SRPK1: variants seen among roughly 807,000 people sequenced by gnomAD.
SRPK1 encodes SRSF protein kinase 1.
SRPK1 carries 52 observed loss-of-function variants against 89.5 expected under a neutral mutation model. That is an observed-to-expected ratio of 0.58 (90% confidence interval 0.46 to 0.73). The LOEUF is 0.73. Ranked by LOEUF, SRPK1 falls within the 30% of genes least tolerant of loss-of-function variation. The pLI is 0.00. For synonymous variants in SRPK1, 255 were observed against 270.2 expected (o/e 0.94, Z 0.55); for missense variants, 603 against 780.6 (o/e 0.77, Z 2.71).
intron 6 of SRPK1, among the ~76,000 whole-genome samples, chr6:35,880,746 A>AAAAAAAAAAAGAAAGAAAG (rs1770263877): frequency 7.8e-5 from 7 of 89,224 alleles, no homozygotes; most frequent in African/African-American, 9.1e-5. Context: ...AAAAAAAAAA[A>AAAAAAAAAAAGAAAGAAAG]AAAAGAAAAG....
intron 1 of SRPK1, 55 bp downstream of exon 1, chr6:35,920,989 G>C (rs771851657): frequency 6.6e-7 from 1 of 1,506,598 alleles, no homozygotes. Context: ...GCGCTGACCC[G>C]GGCCTCGCCC....
chr6:35,896,118 T>C (rs1049717372), intron 2 of SRPK1, among the ~76,000 whole-genome samples: 1 of 152,204 alleles, frequency 6.6e-6, no homozygotes, highest in Non-Finnish European at 1.5e-5. Context: ...ACACAATTTA[T>C]AGCCAGTTGA....
intron 6 of SRPK1, among the ~76,000 whole-genome samples, chr6:35,876,217 T>TA (rs1770155992): frequency 6.9e-6 from 1 of 145,620 alleles, no homozygotes. Flanking sequence ...ATGACTAAAA[T>TA]AAAAAAACTA....
intron 6 of SRPK1, among the ~76,000 whole-genome samples, chr6:35,882,103 ATAGTAGTAGTAGTACTAG>A (rs1293369895): frequency 2.3e-5 from 3 of 132,782 alleles, no homozygotes; most frequent in Non-Finnish European, 3.2e-5. Flanking sequence ...AGTAGTAGCA[ATAGTAGTAGTAGTACTAG>A]TAGTAGTAGT....
At chr6:35,859,218 A>T (rs1471291564) in intron 12 of SRPK1, among the ~76,000 whole-genome samples, 1 of 152,144 alleles carries the variant, frequency 6.6e-6, no homozygotes, top group Non-Finnish European at 1.5e-5. Context: ...GGAAAAAAAT[A>T]ATATGTAACA....
At chr6:35,904,973 C>A (rs1377519818) in intron 2 of SRPK1, 2 of 446,560 alleles carry the variant, frequency 4.5e-6, no homozygotes, top group Non-Finnish European at 9.0e-6. Context: ...AAGACTCCAT[C>A]TCTACAAAAG....
chr6:35,886,423 G>A (rs767774632), intron 6 of SRPK1, among the ~76,000 whole-genome samples: 8 of 152,116 alleles, frequency 5.3e-5, no homozygotes, highest in Non-Finnish European at 8.8e-5. Context: ...TAAAGTTTCT[G>A]TGCTAACTGA....
chr6:35,851,285 G>A (rs541575590), intron 13 of SRPK1, among the ~76,000 whole-genome samples: 36 of 151,156 alleles, frequency 2.4e-4, no homozygotes, highest in African/African-American at 8.5e-4. Context: ...AGCGATTCTC[G>A]TGCCTCAGCC....
intron 2 of SRPK1, among the ~76,000 whole-genome samples, chr6:35,895,167 A>C (rs1770604660): frequency 6.6e-6 from 1 of 152,182 alleles, no homozygotes; most frequent in Non-Finnish European, 1.5e-5. Context: ...AAATCTAAAC[A>C]AAAAAAGTTA....
At chr6:35,904,848 A>C (rs1340944100) in intron 2 of SRPK1, 3 of 236,052 alleles carry the variant, frequency 1.3e-5, no homozygotes, top group Non-Finnish European at 2.6e-5. Context: ...AAAAATAAAT[A>C]AAGTCGTGGG....
chr6:35,891,307 A>G (rs1382655343), intron 2 of SRPK1, among the ~76,000 whole-genome samples: 5 of 152,252 alleles, frequency 3.3e-5, no homozygotes, highest in Admixed American at 3.3e-4. Flanking sequence ...CTCTTCTTCC[A>G]TTATGTTGCT....
chr6:35,900,039 A>G (rs557008975), intron 2 of SRPK1, among the ~76,000 whole-genome samples: 41 of 151,906 alleles, frequency 2.7e-4, no homozygotes, highest in South Asian at 6.2e-4. Flanking sequence ...AAAAAAAAAT[A>G]AAAAGATTCC....
At chr6:35,918,708 A>G (rs1771166194) in intron 2 of SRPK1, among the ~76,000 whole-genome samples, 1 of 152,240 alleles carries the variant, frequency 6.6e-6, no homozygotes, top group Non-Finnish European at 1.5e-5. Flanking sequence ...CCATACTTGC[A>G]AACAATTAAC....
At chr6:35,903,191 A>G (rs1770782880) in intron 2 of SRPK1, among the ~76,000 whole-genome samples, 1 of 152,134 alleles carries the variant, frequency 6.6e-6, no homozygotes, top group Non-Finnish European at 1.5e-5. Context: ...CAGTTACAAA[A>G]TAAGGCTTAC....
chr6:35,842,627 T>C lies in SRPK1; in HGVS notation c.1621-23A>G, dbSNP rs563423858. 2.9e-5 allele frequency: 46 copies of C among 1,576,672 alleles called. 2 individuals are homozygous for C. The East Asian group carries it at 7.2e-4, about 25-fold the overall frequency. On this transcript the variant is annotated intron_variant, in intron 13 of 15. Transcript: ENST00000373825. ...GGCCTAAAAAAAAAAGAGGACAGTA[T>C]ATGAAAGCACAAAAGAAAAGAAGGC... is the stretch of plus-strand genomic sequence containing the variant.
intron 14 of SRPK1, among the ~76,000 whole-genome samples, chr6:35,839,332 T>C (rs1049428411): frequency 6.6e-6 from 1 of 152,188 alleles, no homozygotes; most frequent in Non-Finnish European, 1.5e-5. Context: ...ATTTTAAAGA[T>C]GAGAAAATAG....
At chr6:35,873,180 T>C (rs1296838110) in intron 7 of SRPK1, among the ~76,000 whole-genome samples, 1 of 152,256 alleles carries the variant, frequency 6.6e-6, no homozygotes, top group African/African-American at 2.4e-5. Flanking sequence ...GAAGTATTAA[T>C]ATTTTCCTGA....
At chr6:35,917,054 T>C (rs549879676) in intron 2 of SRPK1, among the ~76,000 whole-genome samples, 136 of 139,114 alleles carry the variant, frequency 9.8e-4, no homozygotes, top group African/African-American at 3.1e-3. Context: ...AGTGAGACTC[T>C]GTCTCAAAAA....
In SRPK1 at chr6:35,910,740, G is replaced by A. The variant is rs369597790; in HGVS notation, c.74+9728C>T. Among the ~76,000 whole-genome samples the A allele has an allele frequency of 2.0e-4, 31 of 152,264 alleles. No homozygotes were observed. The South Asian group carries it at 6.0e-3, about 29-fold the overall frequency. The stretch of plus-strand genomic sequence containing the variant: ...ACGTACCTAGTGACTTTAAGTTGAG[G>A]CCAATACTAATTTACAATCACAAAA... On this transcript the variant is annotated intron_variant, in intron 2 of 15. Transcript: ENST00000373825.
Sources: gnomAD v4.1 joint callset for allele counts (sites outside exome capture counted in the v4.1 genomes callset) on GRCh38, gnomAD v4.1.1 for gene constraint, MANE v1.5 for transcripts, NCBI Gene and HGNC (gene_info 2026-07-23, HGNC 2026-07-21) for gene names.